Variants in CCDC85A observed in about 807,000 individuals in gnomAD.
CCDC85A encodes the protein coiled-coil domain containing 85A, also known as coiled-coil domain-containing protein 85A.
A neutral mutation model predicts 50.2 loss-of-function variants in CCDC85A; 38 were observed. That is an observed-to-expected ratio of 0.76 (90% CI 0.58 to 0.99). The LOEUF (loss-of-function observed/expected upper bound fraction) is 0.99, where lower values mean the gene tolerates loss of function less well. Among genes scored for constraint, CCDC85A ranks in the 50% least tolerant of loss-of-function variants. The probability of loss-of-function intolerance (pLI) is 0.00; values close to 1 mark genes in which losing one functional copy is unlikely to be tolerated. For missense variants in CCDC85A, 820 were observed against 742.0 expected, an observed-to-expected ratio of 1.11 and a Z score of -1.22; for synonymous variants, 366 against 301.4, an observed-to-expected ratio of 1.21 and a Z score of -2.22.
intron 2 of CCDC85A, among the ~76,000 whole-genome samples, chr2:56,298,129 A>G (rs1672039546): frequency 6.6e-6 from 1 of 152,210 alleles, no homozygotes; most frequent in Admixed American, 6.5e-5. Flanking sequence ...ATTTTAGTGT[A>G]TGCACTGGCT....
chr2:56,187,954 C>G (rs1676124970), intron 1 of CCDC85A, among the ~76,000 whole-genome samples: 1 of 152,186 alleles, frequency 6.6e-6, no homozygotes, highest in African/African-American at 2.4e-5. Flanking sequence ...GTTCCTAACC[C>G]AACCACCGAC....
At chr2:56,316,860 C>A (rs1573240296) in intron 2 of CCDC85A, among the ~76,000 whole-genome samples, 1 of 152,102 alleles carries the variant, frequency 6.6e-6, no homozygotes, top group East Asian at 1.9e-4. Context: ...GCATCATTGA[C>A]ATTTATTAAA....
intron 3 of CCDC85A, among the ~76,000 whole-genome samples, chr2:56,367,747 G>A (rs768998550): frequency 3.3e-5 from 5 of 151,972 alleles, no homozygotes; most frequent in East Asian, 1.9e-4. Flanking sequence ...ATAAACATTC[G>A]GACATAAATT....
At chr2:56,212,797 C>G (rs974672781) in intron 2 of CCDC85A, among the ~76,000 whole-genome samples, 1 of 151,916 alleles carries the variant, frequency 6.6e-6, no homozygotes, top group South Asian at 2.1e-4. Flanking sequence ...GCCACGCACA[C>G]CCTGTACAGA....
At chr2:56,314,509 G>T (rs148009337) in intron 2 of CCDC85A, among the ~76,000 whole-genome samples, 13 of 152,086 alleles carry the variant, frequency 8.5e-5, no homozygotes, top group African/African-American at 3.1e-4. Context: ...GCTGCATAGT[G>T]TATGTTCCCC....
At chr2:56,329,212 C>T (rs1673635113) in intron 2 of CCDC85A, among the ~76,000 whole-genome samples, 1 of 152,154 alleles carries the variant, frequency 6.6e-6, no homozygotes, top group Non-Finnish European at 1.5e-5. Flanking sequence ...ATTCTTGCCG[C>T]TTGGAAAGCT....
At chr2:56,189,183 G>T (rs1219413200) in intron 1 of CCDC85A, among the ~76,000 whole-genome samples, 1 of 152,136 alleles carries the variant, frequency 6.6e-6, no homozygotes, top group Non-Finnish European at 1.5e-5. Flanking sequence ...AGGTGGAAAG[G>T]CAAGGGACAG....
At chr2:56,383,419 T>G (rs1228504345) in intron 5 of CCDC85A, 16 of 174,852 alleles carry the variant, frequency 9.2e-5, no homozygotes, top group Admixed American at 8.5e-4. Flanking sequence ...TGTGCATGTG[T>G]GTGTATTCCA....
chr2:56,383,030 A>C (rs1273672347), intron 5 of CCDC85A, among the ~76,000 whole-genome samples: 1 of 151,992 alleles, frequency 6.6e-6, no homozygotes, highest in African/African-American at 2.4e-5. Context: ...ATTGCTATAT[A>C]TTAATAATTC....
chr2:56,338,771 T>A (rs566043883), intron 2 of CCDC85A, among the ~76,000 whole-genome samples: 1 of 151,980 alleles, frequency 6.6e-6, no homozygotes, highest in African/African-American at 2.4e-5. Context: ...GTTGGGAGAT[T>A]GGATTTTTTT....
intron 2 of CCDC85A, among the ~76,000 whole-genome samples, chr2:56,340,359 G>T (rs1674293763): frequency 1.3e-5 from 2 of 152,140 alleles, no homozygotes; most frequent in African/African-American, 2.4e-5. Context: ...AAACACTTAG[G>T]TGCACTACCG....
At chr2:56,370,603 CT>C (rs1478050322) in intron 3 of CCDC85A, among the ~76,000 whole-genome samples, 1 of 151,936 alleles carries the variant, frequency 6.6e-6, no homozygotes, top group Non-Finnish European at 1.5e-5. Flanking sequence ...TTTTATAATA[CT>C]TAAAGTATAG....
chr2:56,264,644 C>A (rs2111476), intron 2 of CCDC85A, among the ~76,000 whole-genome samples: 30,217 of 152,130 alleles, frequency 0.2, 3,151 homozygotes, highest in East Asian at 0.31. Context: ...CTGCATACAA[C>A]CACCAGAGTC....
intron 3 of CCDC85A, among the ~76,000 whole-genome samples, chr2:56,358,644 G>T (rs1675358772): frequency 6.6e-6 from 1 of 152,148 alleles, no homozygotes; most frequent in Non-Finnish European, 1.5e-5. Flanking sequence ...GAACAAGTGT[G>T]GCTGTATTAG....
intron 2 of CCDC85A, among the ~76,000 whole-genome samples, chr2:56,208,646 G>T (rs1370882423): frequency 6.6e-6 from 1 of 152,046 alleles, no homozygotes; most frequent in South Asian, 2.1e-4. Flanking sequence ...TTCAGAGAGA[G>T]AAGCTTTCAC....
intron 3 of CCDC85A, among the ~76,000 whole-genome samples, chr2:56,355,049 C>G (rs953379639): frequency 2.0e-5 from 3 of 152,168 alleles, no homozygotes; most frequent in African/African-American, 7.2e-5. Flanking sequence ...GGTATACAAG[C>G]CTTCACCTAC....
chr2:56,375,392 A>G (rs2104397146), intron 4 of CCDC85A, among the ~76,000 whole-genome samples: 1 of 152,346 alleles, frequency 6.6e-6, no homozygotes, highest in Middle Eastern at 3.4e-3. Context: ...TTTATAAGAG[A>G]CACAGTTTCT....
At chr2:56,307,117 T>C (rs1031652409) in intron 2 of CCDC85A, among the ~76,000 whole-genome samples, 6 of 152,200 alleles carry the variant, frequency 3.9e-5, no homozygotes, top group Non-Finnish European at 5.9e-5. Flanking sequence ...TATAATTTAG[T>C]TCCTATGCTT....
chr2:56,294,395 C>T lies in CCDC85A; in HGVS notation c.1241-48484C>T, dbSNP rs763003749. 2.6e-5 allele frequency among the ~76,000 whole-genome samples: 4 copies of T among 152,146 alleles called. No homozygotes were observed. In the South Asian group the frequency reaches 8.3e-4, roughly 32 times the overall value. On this transcript the variant is annotated intron_variant, in intron 2 of 5. Coordinates refer to ENST00000407595, the MANE Select transcript of CCDC85A (RefSeq NM_001080433.2). Reference sequence around the variant, plus strand: ...GGCAAACCACCATGGCACACATTTACCTATGTAACAAACCTGCGCGTCCTG... The same window carrying T: ...GGCAAACCACCATGGCACACATTTATCTATGTAACAAACCTGCGCGTCCTG...
Sources: gnomAD v4.1 joint callset for allele counts (sites outside exome capture counted in the v4.1 genomes callset) on GRCh38, gnomAD v4.1.1 for gene constraint, MANE v1.5 for transcripts, NCBI Gene and HGNC (gene_info 2026-07-23, HGNC 2026-07-21) for gene names.